Variants in WLS observed in about 807,000 individuals in gnomAD.
WLS encodes the protein protein wntless homolog.
In WLS, 23 loss-of-function variants were observed where a neutral mutation model predicts 62.8. The ratio of observed to expected loss-of-function variants is 0.37; its 90% CI spans 0.26 to 0.52. The LOEUF is 0.52. Ranked by LOEUF, WLS falls within the 20% of genes least tolerant of loss-of-function variation. The pLI is 0.92. For missense variants in WLS, 615 were observed against 697.3 expected (o/e 0.88, Z 1.33); for synonymous variants, 246 against 244.1 (o/e 1.01, Z -0.07).
intron 2 of WLS, among the ~76,000 whole-genome samples, chr1:68,173,805 C>T (rs947054113): frequency 1.3e-5 from 2 of 152,174 alleles, no homozygotes; most frequent in Non-Finnish European, 2.9e-5. Flanking sequence ...AGGACTTTCC[C>T]TGCTGACTTC....
rs541442792 is a variant in WLS at position 68,197,325 on chromosome 1, A to T, written c.107-3098T>A. ...CTAGTGTTTCTTCTATAAAGAAAAAAAATCCCAGAAATACTAATATTTTCA... is the reference window on the plus strand; with the variant it reads ...CTAGTGTTTCTTCTATAAAGAAAAATAATCCCAGAAATACTAATATTTTCA... On this transcript the variant is annotated intron_variant, in intron 1 of 11. Coordinates refer to ENST00000262348, the MANE Select transcript of WLS (RefSeq NM_024911.7). Among the ~76,000 whole-genome samples, 41 of 152,218 alleles carry T rather than the reference A, an allele frequency of 2.7e-4. No individual in the cohort carries two copies. The East Asian group carries it at 6.0e-3, about 22-fold the overall frequency.
chr1:68,227,885 C>G (rs1227072596), intron 1 of WLS, among the ~76,000 whole-genome samples: 3 of 152,196 alleles, frequency 2.0e-5, no homozygotes, highest in Non-Finnish European at 4.4e-5. Context: ...CACATATACT[C>G]TGCATAACTG....
At chr1:68,135,881 G>C (rs1373816546) in intron 11 of WLS, among the ~76,000 whole-genome samples, 1 of 152,172 alleles carries the variant, frequency 6.6e-6, no homozygotes, top group East Asian at 1.9e-4. Context: ...ACACCGAGTG[G>C]TGTTTTTACT....
chr1:68,136,056 G>A (rs1162976715), intron 11 of WLS, among the ~76,000 whole-genome samples: 1 of 152,202 alleles, frequency 6.6e-6, no homozygotes, highest in South Asian at 2.1e-4. Flanking sequence ...AAGAGGTCAA[G>A]GGGTGAGGGA....
intron 10 of WLS, among the ~76,000 whole-genome samples, chr1:68,140,963 C>T (rs1358928064): frequency 6.6e-6 from 1 of 151,002 alleles, no homozygotes; most frequent in East Asian, 1.9e-4. Context: ...ATCAGGTAGC[C>T]CCAGCCCCCC....
At chr1:68,183,036 GA>G (rs1413021805) in intron 2 of WLS, among the ~76,000 whole-genome samples, 2 of 152,090 alleles carry the variant, frequency 1.3e-5, no homozygotes, top group African/African-American at 4.8e-5. Flanking sequence ...AAGTAGCTGG[GA>G]TTACAGGCAC....
intron 10 of WLS, among the ~76,000 whole-genome samples, chr1:68,144,356 T>C (rs1430125391): frequency 1.3e-5 from 2 of 152,226 alleles, no homozygotes; most frequent in Non-Finnish European, 2.9e-5. Context: ...TTTAATTTAT[T>C]TGGAAACTTT....
At chr1:68,131,957 T>C (rs1646532818) in intron 11 of WLS, among the ~76,000 whole-genome samples, 1 of 152,208 alleles carries the variant, frequency 6.6e-6, no homozygotes, top group African/African-American at 2.4e-5. Context: ...ACGTTGGTGA[T>C]ACCTTAATAT....
At chr1:68,142,365 T>C (rs1055040215) in intron 10 of WLS, among the ~76,000 whole-genome samples, 1 of 152,222 alleles carries the variant, frequency 6.6e-6, no homozygotes, top group African/African-American at 2.4e-5. Flanking sequence ...CCCATCTTCC[T>C]TGAGATGCCG....
intron 2 of WLS, among the ~76,000 whole-genome samples, chr1:68,179,333 TC>T (rs1647415230): frequency 6.6e-6 from 1 of 152,144 alleles, no homozygotes. Context: ...TAGTATAATT[TC>T]CCACTCAGAA....
Position 68,194,160 on chromosome 1 carries a change from G to T in WLS, c.174C>A (p.His58Gln). 4 of 1,614,210 alleles carry T rather than the reference G, an allele frequency of 2.5e-6. No homozygotes were observed. Among genetic ancestry groups the T allele is most frequent in the Non-Finnish European group, 3.4e-6 (4 of 1,180,032 alleles). ...CCCAAGGCACGAACCATTTTGTCTT[G>T]TGATGGTTCTTACGGGCATCCACAC... is the stretch of plus-strand genomic sequence containing the variant. ...VKCVDARKNH[H>Q]KTKWFVPWGP... The change falls in exon 2 of 12, where the codon CAC (histidine) becomes CAA (glutamine). Residue 58 changes from histidine (H) to glutamine (Q), a missense_variant. By Grantham distance (24) the His-to-Gln change is conservative (BLOSUM62 0). Transcript: ENST00000262348.
chr1:68,207,304 A>G (rs1418989889), intron 1 of WLS, among the ~76,000 whole-genome samples: 1 of 152,244 alleles, frequency 6.6e-6, no homozygotes, highest in African/African-American at 2.4e-5. Context: ...CAATACAATG[A>G]AATAATTTGG....
chr1:68,098,787 A>G (rs1182566881), intron 11 of WLS: 2 of 1,599,834 alleles, frequency 1.3e-6, no homozygotes, highest in Middle Eastern at 1.7e-4. Flanking sequence ...AACCATGCAA[A>G]ATATCCTTTT....
chr1:68,148,438 C>A, intron 7 of WLS, 125 bp downstream of exon 7: 2 of 1,044,356 alleles, frequency 1.9e-6, no homozygotes, highest in Admixed American at 2.1e-5. Flanking sequence ...GATGTGACCA[C>A]GTCCAGTGCT....
chr1:68,183,778 C>T (rs1459273070), intron 2 of WLS, among the ~76,000 whole-genome samples: 1 of 152,010 alleles, frequency 6.6e-6, no homozygotes, highest in Non-Finnish European at 1.5e-5. Flanking sequence ...CAACATTCTC[C>T]CAGGACACTC....
downstream of WLS, among the ~76,000 whole-genome samples, chr1:68,123,572 C>T (rs1646388767): frequency 6.6e-6 from 1 of 152,014 alleles, no homozygotes; most frequent in Non-Finnish European, 1.5e-5. Flanking sequence ...TAAAACCTAG[C>T]CCAGGCAAAC....
At chr1:68,154,499 G>T (rs1646870358) in intron 4 of WLS, among the ~76,000 whole-genome samples, 1 of 152,098 alleles carries the variant, frequency 6.6e-6, no homozygotes, top group Non-Finnish European at 1.5e-5. Flanking sequence ...AAGGAAAACA[G>T]TCAGTTCAAT....
At chr1:68,103,847 G>A (rs1456325808) in intron 11 of WLS, among the ~76,000 whole-genome samples, 1 of 152,174 alleles carries the variant, frequency 6.6e-6, no homozygotes, top group Non-Finnish European at 1.5e-5. Flanking sequence ...CCTTCCCAGA[G>A]CAGCTCATTT....
At chr1:68,127,057 C>A in intron 11 of WLS, 1 of 395,686 alleles carries the variant, frequency 2.5e-6, no homozygotes, top group Non-Finnish European at 5.0e-6. Flanking sequence ...TACCTGCGTG[C>A]AGTAACTCAC....
Sources: allele counts gnomAD v4.1 joint callset (sites outside exome capture counted in the v4.1 genomes callset), GRCh38; gene constraint gnomAD v4.1.1; transcripts MANE v1.5; gene names NCBI Gene and HGNC (gene_info 2026-07-23, HGNC 2026-07-21).